The following CCT2 variants were observed in gnomAD, a reference collection of about 807,000 sequenced individuals.
CCT2 encodes the protein T-complex protein 1 subunit beta.
Under a neutral mutation model 61.8 loss-of-function variants are expected in CCT2, and 18 were observed. The observed-to-expected ratio is 0.29, with a 90% CI of 0.20 to 0.43. The LOEUF (loss-of-function observed/expected upper bound fraction) is 0.43. Ranked by LOEUF, CCT2 falls within the 20% of genes least tolerant of loss-of-function variation. The probability of loss-of-function intolerance (pLI) is 1.00; values close to 1 mark genes in which losing one functional copy is unlikely to be tolerated. For missense variants in CCT2, 556 were observed against 656.9 expected (o/e 0.85, Z 1.68); for synonymous variants, 248 against 215.9 (o/e 1.15, Z -1.30).
intron 1 of CCT2, chr12:69,585,944 G>A (rs1393901799): frequency 2.3e-6 from 3 of 1,279,024 alleles, no homozygotes; most frequent in African/African-American, 3.0e-5. Flanking sequence ...CCCGGCAGGC[G>A]TCACCTTGAT....
Position 69,588,015 on chromosome 12 carries a change from A to G in CCT2, c.333+9A>G, listed in dbSNP as rs913690108. On this transcript the variant is annotated intron_variant, in intron 5 of 15. Coordinates refer to ENST00000299300, the MANE Select transcript of CCT2 (RefSeq NM_006431.3). ...CAGCAGAATTATTAAGGGTAAGAGC[A>G]ACTAAGCAACTCTTTTTTCCTACTG... 8 of 1,608,464 alleles carry G rather than the reference A, an allele frequency of 5.0e-6. No individual in the cohort carries two copies. Among genetic ancestry groups the G allele is most frequent in the Non-Finnish European group, 6.8e-6 (8 of 1,174,902 alleles).
chr12:69,585,872 C>A (rs1019044087), intron 1 of CCT2: 15 of 1,297,950 alleles, frequency 1.2e-5, no homozygotes, highest in Admixed American at 3.6e-5. Context: ...TCTGAGCCAT[C>A]AGAGGGTGGA....
At position 69,598,047 on chromosome 12, in the gene CCT2, G is replaced by A; in HGVS notation, c.1311G>A (p.Glu437=). 1 of 1,612,860 alleles carries A rather than the reference G, an allele frequency of 6.2e-7. No homozygotes were observed. Among genetic ancestry groups the A allele is most frequent in the Non-Finnish European group, 8.5e-7 (1 of 1,178,946 alleles). The change falls in exon 13 of 16, where the codon GAG becomes GAA. Residue 437 remains glutamate, a synonymous_variant. Transcript: ENST00000299300. ...CAGGCAAAGAAGCTGTTGCAATGGA[G>A]TCTTATGCTAAAGCACTGAGAATGG... ...RTPGKEAVAM[E]SYAKALRMLP...
intron 7 of CCT2, among the ~76,000 whole-genome samples, chr12:69,590,685 G>T (rs1164454687): frequency 3.7e-5 from 5 of 135,848 alleles, no homozygotes; most frequent in Non-Finnish European, 6.1e-5. Flanking sequence ...AAATACTCTT[G>T]ATTAAGTTTA....
intron 10 of CCT2, among the ~76,000 whole-genome samples, chr12:69,593,825 C>T (rs976383723): frequency 1.3e-5 from 2 of 152,120 alleles, no homozygotes; most frequent in African/African-American, 4.8e-5. Context: ...AGATTTCTTT[C>T]ATTGTGTCAC....
chr12:69,593,780 G>A (rs1260134529), intron 10 of CCT2, among the ~76,000 whole-genome samples, 167 bp downstream of exon 10: 3 of 152,042 alleles, frequency 2.0e-5, no homozygotes, highest in Non-Finnish European at 2.9e-5. Context: ...TTACATTTAC[G>A]ATACCAAGTT....
rs1227268033 is a variant in CCT2, at chr12:69,592,168, C to T, written c.750+9C>T. The T allele has an allele frequency of 6.9e-7, 1 of 1,455,368 alleles. No individual in the cohort carries two copies. The highest frequency in any genetic ancestry group is 1.4e-5 in the African/African-American group (1 of 70,972). 90.2% of individuals were successfully genotyped at this position (1,455,368 alleles called of 1,614,324 possible). A position where few individuals can be genotyped will look rare whatever the true frequency, so the allele number is the denominator to read the frequency against. On this transcript the variant is annotated intron_variant, in intron 8 of 15. Transcript: ENST00000299300. Reference sequence around the variant, plus strand: ...ATACAGACAAAATAAAGGTATGTAACTCTACTTTTTAAAAATTAAAATTAC... The same window carrying T: ...ATACAGACAAAATAAAGGTATGTAATTCTACTTTTTAAAAATTAAAATTAC...
At chr12:69,591,784 G>T (rs1881841408) in intron 7 of CCT2, among the ~76,000 whole-genome samples, 1 of 152,060 alleles carries the variant, frequency 6.6e-6, no homozygotes, top group South Asian at 2.1e-4. Flanking sequence ...TTTCTGGTTG[G>T]GTCGGTAAAG....
chr12:69,589,730 G>A (rs1290557130), intron 7 of CCT2, 43 bp downstream of exon 7: 2 of 1,465,376 alleles, frequency 1.4e-6, no homozygotes, highest in Non-Finnish European at 9.5e-7. Flanking sequence ...ATTAGATGCT[G>A]AGGGCTGAAT....
Position 69,589,646 on chromosome 12 carries a change from A to G in CCT2, c.608A>G (p.Lys203Arg), listed in dbSNP as rs1204332085. ...AACCTGGAGGCAATTCATATTATCA[A>G]GAAGCTAGGAGGAAGTTTGGCAGAT... ...SGNLEAIHII[K>R]KLGGSLADSY... is the part of the protein sequence containing the mutation. Residue 203 changes from lysine (K) to arginine (R), a missense_variant, in exon 7 of 16, where the codon AAG becomes AGG. Lys to Arg is a conservative substitution (Grantham distance 26, BLOSUM62 2). Transcript: ENST00000299300. 1 of 1,613,820 alleles carries G rather than the reference A, an allele frequency of 6.2e-7. No homozygotes were observed. The highest frequency in any genetic ancestry group is 1.1e-5 in the South Asian group (1 of 91,088).
intron 10 of CCT2, 78 bp downstream of exon 10, chr12:69,593,691 C>T (rs1412592907): frequency 8.7e-6 from 7 of 802,736 alleles, no homozygotes; most frequent in South Asian, 3.2e-5. Context: ...TATGCAACTA[C>T]CTTTAAGGAG....
In CCT2 at chr12:69,592,661, C is replaced by T. The variant is rs1881869962; in HGVS notation, c.751-315C>T. 5 of 245,976 alleles carry T rather than the reference C, an allele frequency of 2.0e-5. No homozygotes were observed. In the South Asian group the frequency reaches 3.4e-4, roughly 17 times the overall value. 15.2% of individuals were successfully genotyped at this position (245,976 alleles called of 1,614,324 possible). A position where few individuals can be genotyped will look rare whatever the true frequency, so the allele number is the denominator to read the frequency against. On this transcript the variant is annotated intron_variant, in intron 8 of 15. Coordinates refer to ENST00000299300, the MANE Select transcript of CCT2 (RefSeq NM_006431.3). ...AGTAATGAGGCCTGGCGTGGTGGTTCACGCCTGTAATCCCAGTACTTTGGG... is the reference window on the plus strand; with the variant it reads ...AGTAATGAGGCCTGGCGTGGTGGTTTACGCCTGTAATCCCAGTACTTTGGG...
At chr12:69,592,730 C>T in intron 8 of CCT2, 1 of 329,784 alleles carries the variant, frequency 3.0e-6, no homozygotes, top group Non-Finnish European at 5.6e-6. Flanking sequence ...CAAGGCCAGA[C>T]TGACCAATGT....
chr12:69,593,597 C>T lies in CCT2; in HGVS notation c.966C>T (p.Arg322=). The change falls in exon 10 of 16, where the codon CGC becomes CGT. Residue 322 remains arginine, a synonymous_variant. Coordinates refer to ENST00000299300, the MANE Select transcript of CCT2 (RefSeq NM_006431.3). ...IEHADFAGVE[R]LALVTGGEIA... Reference sequence around the variant, plus strand: ...ATGCAGATTTTGCAGGTGTGGAACGCCTAGCTCTTGTCACAGGTATGGAAA... The same window carrying T: ...ATGCAGATTTTGCAGGTGTGGAACGTCTAGCTCTTGTCACAGGTATGGAAA... 1 of 1,607,526 alleles carries T rather than the reference C, an allele frequency of 6.2e-7. No individual in the cohort carries two copies. Among genetic ancestry groups the T allele is most frequent in the Non-Finnish European group, 8.5e-7 (1 of 1,174,490 alleles).
intron 8 of CCT2, 65 bp from the exon 9 acceptor site, chr12:69,592,911 G>A: frequency 6.5e-7 from 1 of 1,526,718 alleles, no homozygotes; most frequent in Non-Finnish European, 8.9e-7. Context: ...CTGGGCAACA[G>A]AGCGAGACTC....
intron 6 of CCT2, 147 bp downstream of exon 6, chr12:69,588,409 TC>T: frequency 1.6e-6 from 1 of 609,650 alleles, no homozygotes; most frequent in Non-Finnish European, 2.9e-6. Context: ...TACATCAGCC[TC>T]CAGAGATAGC....
At chr12:69,597,044 A>G (rs943245270) in intron 10 of CCT2, 112 bp from the exon 11 acceptor site, 52 of 916,726 alleles carry the variant, frequency 5.7e-5, no homozygotes, top group East Asian at 4.5e-4. Flanking sequence ...TCAGCAATCA[A>G]TTTTTAAAAT....
intron 15 of CCT2, 144 bp from the exon 16 acceptor site, chr12:69,601,151 T>G: frequency 1.5e-6 from 1 of 657,124 alleles, no homozygotes. Flanking sequence ...TCAATGTGAG[T>G]GTTATAGGGG....
intron 5 of CCT2, 51 bp downstream of exon 5, chr12:69,588,057 A>G: frequency 6.5e-7 from 1 of 1,544,704 alleles, no homozygotes; most frequent in African/African-American, 1.4e-5. Context: ...TGAGTATCAG[A>G]GGTAATCTAG....
Sources: gnomAD v4.1 joint callset for allele counts (sites outside exome capture counted in the v4.1 genomes callset) on GRCh38, gnomAD v4.1.1 for gene constraint, MANE v1.5 for transcripts, NCBI Gene and HGNC (gene_info 2026-07-23, HGNC 2026-07-21) for gene names.